Variants in AFF4 observed in about 807,000 individuals in gnomAD.
AFF4 encodes the protein ALF transcription elongation factor 4.
In AFF4, 13 loss-of-function variants were observed where a neutral mutation model predicts 124.8. The observed-to-expected ratio is 0.10, with a 90% CI of 0.07 to 0.17. The LOEUF (loss-of-function observed/expected upper bound fraction) is 0.17, where lower values mean the gene tolerates loss of function less well. AFF4 is among the 10% of genes least tolerant of loss of function. The pLI is 1.00. For missense variants in AFF4, 1,092 were observed against 1,403.8 expected, an observed-to-expected ratio of 0.78 and a Z score of 3.55; for synonymous variants, 477 against 496.1, an observed-to-expected ratio of 0.96 and a Z score of 0.51.
chr5:132,909,978 T>C (rs1561490926), intron 5 of AFF4, among the ~76,000 whole-genome samples: 1 of 152,338 alleles, frequency 6.6e-6, no homozygotes, highest in East Asian at 1.9e-4. Context: ...GAAGACAACT[T>C]ACGTCTAAGT....
In AFF4 at chr5:132,880,359, ACATT is replaced by A; in HGVS notation, c.*696_*699del. ...GTGATTGCTGTAGTGTTATTAACAC[ACATT>A]CACAGTTTTTGAAATAATGCATACC... is the stretch of plus-strand genomic sequence containing the variant. On this transcript the variant is annotated 3_prime_UTR_variant, in exon 21 of 21. Transcript: ENST00000265343. 1 of 398,966 alleles carries A rather than the reference ACATT, an allele frequency of 2.5e-6. No individual in the cohort carries two copies. The allele number at this position is 398,966 out of a possible 1,614,324, so 24.7% of individuals were successfully genotyped here. A position where few individuals can be genotyped will look rare whatever the true frequency, so the allele number is the denominator to read the frequency against.
intron 1 of AFF4, among the ~76,000 whole-genome samples, chr5:132,951,613 C>T (rs1412862985): frequency 1.3e-5 from 2 of 152,144 alleles, no homozygotes; most frequent in African/African-American, 4.8e-5. Context: ...CTGCAACCTC[C>T]ACATCCCAGG....
Position 132,889,083 on chromosome 5 carries a change from C to A in AFF4, c.2728G>T (p.Asp910Tyr), listed in dbSNP as rs752356059. 1 of 1,610,464 alleles carries A rather than the reference C, an allele frequency of 6.2e-7. No individual in the cohort carries two copies. The highest frequency in any genetic ancestry group is 1.7e-5 in the Admixed American group (1 of 59,980). The change falls in exon 14 of 21, where the codon GAC becomes TAC. Residue 910 changes from aspartate to tyrosine, a missense_variant. By Grantham distance (160) the Asp-to-Tyr change is radical. Around this residue, in one of 11 missense-constraint regions of AFF4, gnomAD observed 293 missense variants for 280.2 expected, o/e 1.05. Transcript: ENST00000265343. ...CAAAAAATCATATTATCTCACCTGT[C>A]ATCAAAGACAAGCTTTGTTCTCCGA... ...KPRRTKLVFDDRNYSADHYLQ... is the reference protein window; with the variant it reads ...KPRRTKLVFDYRNYSADHYLQ...
chr5:132,936,972 A>C, intron 2 of AFF4, 95 bp downstream of exon 2: 1 of 1,451,908 alleles, frequency 6.9e-7, no homozygotes, highest in Non-Finnish European at 9.3e-7. Flanking sequence ...TATTCATAGT[A>C]ATTCTTTTCT....
At chr5:132,917,398 G>A (rs1032947068) in intron 5 of AFF4, among the ~76,000 whole-genome samples, 25 of 152,128 alleles carry the variant, frequency 1.6e-4, no homozygotes, top group Admixed American at 2.6e-4. Context: ...CAAAAAGCCT[G>A]CAGCTAACAT....
At chr5:132,947,176 G>A (rs1761719438) in intron 1 of AFF4, among the ~76,000 whole-genome samples, 1 of 152,186 alleles carries the variant, frequency 6.6e-6, no homozygotes. Context: ...GACTGAGGCA[G>A]TGGATCACGT....
Position 132,898,737 on chromosome 5 carries a change from G to A in AFF4, c.1227-345C>T, listed in dbSNP as rs865908083. Reference sequence around the variant, plus strand: ...GGCCTCAGGTGATCCACCCGCCTCGGCCTCCCAAAGTGCTGGGATTACAGG... The same window carrying A: ...GGCCTCAGGTGATCCACCCGCCTCGACCTCCCAAAGTGCTGGGATTACAGG... On this transcript the variant is annotated intron_variant, in intron 9 of 20. Transcript: ENST00000265343. Among the ~76,000 whole-genome samples, 5 of 152,296 alleles carry A rather than the reference G, an allele frequency of 3.3e-5. No homozygotes were observed. The Middle Eastern group carries it at 0.01, about 311-fold the overall frequency.
chr5:132,898,482 C>A (rs1436354692), intron 9 of AFF4, 90 bp from the exon 10 acceptor site: 4 of 1,360,186 alleles, frequency 2.9e-6, no homozygotes, highest in African/African-American at 1.5e-5. Flanking sequence ...TTCTTTTTTT[C>A]TTCTTGTCTT....
rs1235451188 is a variant in AFF4, at chr5:132,899,564, AAAT to A, written c.1188+20_1188+22del. 6 of 1,594,916 alleles carry A rather than the reference AAAT, an allele frequency of 3.8e-6. No individual in the cohort carries two copies. The highest frequency in any genetic ancestry group is 5.1e-6 in the Non-Finnish European group (6 of 1,170,114). ...ATGAAAATACTATATGAGACTGGCA[AAAT>A]AATACAATAGTAGACACACCTGTTC... On this transcript the variant is annotated intron_variant, in intron 8 of 20. Coordinates refer to ENST00000265343, the MANE Select transcript of AFF4 (RefSeq NM_014423.4).
intron 1 of AFF4, among the ~76,000 whole-genome samples, chr5:132,955,825 C>A (rs1273765713): frequency 1.4e-5 from 2 of 138,516 alleles, no homozygotes; most frequent in African/African-American, 2.7e-5. Context: ...CACACACACA[C>A]ACAAAATATA....
At chr5:132,942,742 C>T (rs1006985424) in intron 1 of AFF4, among the ~76,000 whole-genome samples, 5 of 152,216 alleles carry the variant, frequency 3.3e-5, no homozygotes, top group African/African-American at 9.6e-5. Flanking sequence ...GAATTAGAGG[C>T]GTAAGCCATT....
At chr5:132,888,406 T>C (rs1323687880) in intron 14 of AFF4, among the ~76,000 whole-genome samples, 1 of 152,094 alleles carries the variant, frequency 6.6e-6, no homozygotes, top group Non-Finnish European at 1.5e-5. Flanking sequence ...AATACTAAGT[T>C]ACTCAAGTTG....
chr5:132,889,178 C>T lies in AFF4; in HGVS notation c.2638-5G>A. The T allele has an allele frequency of 4.4e-6, 7 of 1,596,624 alleles. No individual in the cohort carries two copies. The highest frequency in any genetic ancestry group is 6.0e-6 in the Non-Finnish European group (7 of 1,166,632). ...GGAGCTACTTGGAGCCTTTTCCTGA[C>T]CAAAAAAATATATAACTACAATGAA... On this transcript the variant is annotated splice_polypyrimidine_tract_variant and splice_region_variant and intron_variant, in intron 13 of 20. Coordinates refer to ENST00000265343, the MANE Select transcript of AFF4 (RefSeq NM_014423.4).
In AFF4 at chr5:132,896,593, G is replaced by A. The variant is rs1313102467; in HGVS notation, c.2037C>T (p.Ser679=). 1 of 1,614,074 alleles carries A rather than the reference G, an allele frequency of 6.2e-7. No homozygotes were observed. The highest frequency in any genetic ancestry group is 1.7e-5 in the Admixed American group (1 of 60,020). Reference sequence around the variant, plus strand: ...AAAAGCTATCTTCTTCCTCCACTGAGGAGGGTTTAACAGGAGTCCTATTGC... The same window carrying A: ...AAAAGCTATCTTCTTCCTCCACTGAAGAGGGTTTAACAGGAGTCCTATTGC... ...PESNRTPVKP[S]SVEEEDSFFR... Residue 679 remains serine, a synonymous_variant, in exon 11 of 21, where the codon TCC becomes TCT. Transcript: ENST00000265343.
chr5:132,927,184 G>A lies in AFF4; in HGVS notation c.987C>T (p.Pro329=), dbSNP rs1434506224. 4.3e-6 allele frequency: 7 copies of A among 1,610,548 alleles called. No homozygotes were observed. Among genetic ancestry groups the A allele is most frequent in the Middle Eastern group, 3.3e-4 (2 of 6,052 alleles). ...ILKEMTHSWP[P]PLTAIHTPCK... is the part of the protein sequence containing the mutation. ...ATGGTGTATGAATAGCCGTTAGAGG[G>A]GGAGGCCATGAATGCGTCATCTCCT... The change falls in exon 5 of 21, where the codon CCC becomes CCT. Residue 329 remains proline, a synonymous_variant. Transcript: ENST00000265343.
intron 16 of AFF4, 99 bp downstream of exon 16, chr5:132,887,747 G>T: frequency 6.5e-7 from 1 of 1,533,984 alleles, no homozygotes. Flanking sequence ...GACATTAAAG[G>T]ATTATACACC....
intron 5 of AFF4, among the ~76,000 whole-genome samples, chr5:132,921,806 A>T (rs10051796): frequency 6.6e-6 from 1 of 151,740 alleles, no homozygotes; most frequent in Admixed American, 6.6e-5. Flanking sequence ...CCCCAGAGAG[A>T]GTCAGTCTCT....
At chr5:132,946,230 T>C (rs189826955) in intron 1 of AFF4, among the ~76,000 whole-genome samples, 7 of 152,318 alleles carry the variant, frequency 4.6e-5, no homozygotes, top group African/African-American at 1.7e-4. Flanking sequence ...GAATATGCAA[T>C]GGTGCAGCTG....
rs1371069559 is a variant in AFF4 at position 132,934,618 on chromosome 5, C to T, written c.447G>A (p.Gln149=). Reference sequence around the variant, plus strand: ...TGTTATATGACTCACGGTCGTGCCTCTGACCACTACTGTTAGTGCCACTAC... The same window carrying T: ...TGTTATATGACTCACGGTCGTGCCTTTGACCACTACTGTTAGTGCCACTAC... ...GSSSGTNSSG[Q]RHDRESYNNS... The change falls in exon 3 of 21, where the codon CAG becomes CAA. Residue 149 remains glutamine, a synonymous_variant. Transcript: ENST00000265343. 3 of 1,614,154 alleles carry T rather than the reference C, an allele frequency of 1.9e-6. No individual in the cohort carries two copies. In the South Asian group the frequency reaches 3.3e-5, roughly 18 times the overall value.
Sources: gnomAD v4.1 joint callset for allele counts (sites outside exome capture counted in the v4.1 genomes callset) on GRCh38, gnomAD v4.1.1 for gene constraint, gnomAD v4.1.1 regional missense constraint, MANE v1.5 for transcripts, NCBI Gene and HGNC (gene_info 2026-07-23, HGNC 2026-07-21) for gene names.